NAV3: variants seen among roughly 807,000 people sequenced by gnomAD.
The protein encoded by NAV3 is pore membrane and/or filament interacting like protein 1.
A neutral mutation model predicts 244.7 loss-of-function variants in NAV3; 87 were observed. The observed-to-expected ratio is 0.36, with a 90% CI of 0.30 to 0.42. The LOEUF (loss-of-function observed/expected upper bound fraction) is 0.42. Ranked by LOEUF, NAV3 falls within the 20% of genes least tolerant of loss-of-function variation. NAV3 has a pLI of 1.00. For synonymous variants in NAV3, 1,126 were observed against 1,042.2 expected (o/e 1.08, Z -1.55); for missense variants, 2,663 against 2,893.3 (o/e 0.92, Z 1.83).
intron 2 of NAV3, among the ~76,000 whole-genome samples, chr12:77,772,890 C>T (rs950413686): frequency 6.6e-6 from 1 of 152,148 alleles, no homozygotes; most frequent in Admixed American, 6.5e-5. Context: ...ACCAGCTGTT[C>T]CTCTCTCCTT....
chr12:78,133,665 C>G (rs973190798), intron 18 of NAV3, among the ~76,000 whole-genome samples: 1 of 152,058 alleles, frequency 6.6e-6, no homozygotes, highest in South Asian at 2.1e-4. Flanking sequence ...TAGTAGACTA[C>G]TGTGAGCTAC....
At chr12:77,766,735 G>GTTTGTTTGTTTTTTTTTTTT (rs1555202961) in intron 2 of NAV3, among the ~76,000 whole-genome samples, 4 of 60,514 alleles carry the variant, frequency 6.6e-5, no homozygotes, top group Admixed American at 2.4e-4. Context: ...AGGCAATTAA[G>GTTTGTTTGTTTTTTTTTTTT]TTTTTTTTTT....
rs553302624 is a variant in NAV3, at chr12:77,753,691, T to C, written c.72+181425T>C. 5.9e-5 allele frequency among the ~76,000 whole-genome samples: 9 copies of C among 152,258 alleles called. No individual in the cohort carries two copies. The East Asian group carries it at 1.5e-3, about 26-fold the overall frequency. On this transcript the variant is annotated intron_variant, in intron 2 of 8. Transcript: ENST00000550042. ...AAGTAGGGAAGCCCATCACTATTGT[T>C]CCACAGCACTGAAATCATTGCTTTT...
At chr12:77,984,684 T>G (rs2136295007) in intron 5 of NAV3, among the ~76,000 whole-genome samples, 1 of 152,274 alleles carries the variant, frequency 6.6e-6, no homozygotes, top group East Asian at 1.9e-4. Context: ...TATTCGATGT[T>G]TACTACTGGC....
intron 9 of NAV3, among the ~76,000 whole-genome samples, chr12:78,048,617 A>G (rs947764848): frequency 2.0e-5 from 3 of 152,144 alleles, no homozygotes; most frequent in Non-Finnish European, 4.4e-5. Flanking sequence ...CACTTGCCAG[A>G]TGCCTGCTAG....
intron 34 of NAV3, 117 bp from the exon 35 acceptor site, chr12:78,197,130 A>G (rs1319991564): frequency 3.0e-6 from 2 of 674,538 alleles, no homozygotes; most frequent in African/African-American, 1.9e-5. Flanking sequence ...TGAATAATCT[A>G]TGACTTTAAT....
chr12:77,763,179 T>C (rs1565803780), intron 2 of NAV3, among the ~76,000 whole-genome samples: 1 of 152,036 alleles, frequency 6.6e-6, no homozygotes, highest in Non-Finnish European at 1.5e-5. Context: ...GGTCCTTGGG[T>C]GGAGAGAGAA....
chr12:77,651,424 T>G (rs1872818260), intron 2 of NAV3, among the ~76,000 whole-genome samples: 1 of 152,198 alleles, frequency 6.6e-6, no homozygotes, highest in Non-Finnish European at 1.5e-5. Flanking sequence ...CCGTGCCTTT[T>G]TTTTCTTCAA....
intron 2 of NAV3, among the ~76,000 whole-genome samples, chr12:77,785,942 G>A (rs1841565981): frequency 6.6e-6 from 1 of 152,160 alleles, no homozygotes; most frequent in Non-Finnish European, 1.5e-5. Flanking sequence ...GGAGATGTTT[G>A]TTACATTCAA....
intron 1 of NAV3, among the ~76,000 whole-genome samples, chr12:77,865,928 A>G (rs1295660162): frequency 6.6e-6 from 1 of 152,042 alleles, no homozygotes; most frequent in Admixed American, 6.6e-5. Context: ...TTTTAAAAAA[A>G]TGCATGACAA....
At chr12:78,067,515 C>G (rs1885163673) in intron 12 of NAV3, among the ~76,000 whole-genome samples, 1 of 151,988 alleles carries the variant, frequency 6.6e-6, no homozygotes, top group Non-Finnish European at 1.5e-5. Flanking sequence ...TTAACTGTGC[C>G]CATTGTGAAT....
chr12:77,784,055 T>C (rs75029907), intron 2 of NAV3, among the ~76,000 whole-genome samples: 6 of 152,180 alleles, frequency 3.9e-5, no homozygotes, highest in Non-Finnish European at 8.8e-5. Context: ...TTCAGTTTTT[T>C]CATCAATAAA....
intron 12 of NAV3, among the ~76,000 whole-genome samples, chr12:78,097,734 G>A (rs1422736590): frequency 6.6e-6 from 1 of 152,060 alleles, no homozygotes; most frequent in Admixed American, 6.6e-5. Context: ...GCTGTTTCAA[G>A]TAAGATAAAA....
At chr12:78,173,397 A>G (rs1485344072) in intron 24 of NAV3, among the ~76,000 whole-genome samples, 1 of 151,696 alleles carries the variant, frequency 6.6e-6, no homozygotes, top group Non-Finnish European at 1.5e-5. Context: ...TCTGGATATA[A>G]TAAAAATTCT....
At position 77,831,631 on chromosome 12, in the gene NAV3, C is replaced by T. The variant is rs754878822; in HGVS notation, c.170C>T (p.Ala57Val). The T allele has an allele frequency of 1.3e-5, 21 of 1,613,752 alleles. No homozygotes were observed. Among genetic ancestry groups the T allele is most frequent in the African/African-American group, 4.0e-5 (3 of 74,880 alleles). ...TESSMLSCQL[A>V]LKSTCEFGEK... ...AGCTCCATGCTTTCTTGTCAGCTTG[C>T]GTTAAAATCAACCTGTGAATTTGGA... Residue 57 changes from alanine to valine, a missense_variant, in exon 1 of 40, where the codon GCG (alanine) becomes GTG (valine). Ala to Val is a moderately conservative substitution (Grantham distance 64). This residue lies in a region of NAV3 where 1,521 missense variants were observed against 1,497.0 expected (regional missense o/e 1.02). Coordinates refer to ENST00000397909, the MANE Select transcript of NAV3 (RefSeq NM_001024383.2).
chr12:77,968,514 T>C lies in NAV3; in HGVS notation c.488-5T>C. ...TTCTTTTTTTGTATTTTTCATTTCA[T>C]ACAGAAATAAGAAATGGAAACTTAA... On this transcript the variant is annotated splice_polypyrimidine_tract_variant and splice_region_variant and intron_variant, in intron 4 of 39. Coordinates refer to ENST00000397909, the MANE Select transcript of NAV3 (RefSeq NM_001024383.2). The C allele has an allele frequency of 1.9e-6, 3 of 1,607,434 alleles. No homozygotes were observed. The highest frequency in any genetic ancestry group is 2.6e-6 in the Non-Finnish European group (3 of 1,175,304).
chr12:77,846,675 G>A (rs1480464729), intron 1 of NAV3, among the ~76,000 whole-genome samples: 1 of 152,130 alleles, frequency 6.6e-6, no homozygotes, highest in East Asian at 1.9e-4. Flanking sequence ...ATATATTATT[G>A]CCTTGTTAAA....
In NAV3 at chr12:77,665,939, C is replaced by T. The variant is rs555945530; in HGVS notation, c.72+93673C>T. Among the ~76,000 whole-genome samples, 8 of 152,254 alleles carry T rather than the reference C, an allele frequency of 5.3e-5. No homozygotes were observed. The South Asian group carries it at 1.2e-3, about 24-fold the overall frequency. On this transcript the variant is annotated intron_variant, in intron 2 of 8. Transcript: ENST00000550042. ...TGTGTGACATCTCAAAATCTTTACA[C>T]ATTTCGCTTTAATTCATTTACTCAA...
chr12:77,970,130 A>G (rs906914369), intron 5 of NAV3, among the ~76,000 whole-genome samples: 1 of 152,198 alleles, frequency 6.6e-6, no homozygotes, highest in Non-Finnish European at 1.5e-5. Flanking sequence ...GCTCTATTAC[A>G]TAAATAGTTA....
Sources: gnomAD v4.1 joint callset for allele counts (sites outside exome capture counted in the v4.1 genomes callset) on GRCh38, gnomAD v4.1.1 for gene constraint, gnomAD v4.1.1 regional missense constraint, MANE v1.5 for transcripts, NCBI Gene and HGNC (gene_info 2026-07-23, HGNC 2026-07-21) for gene names.